Variants in ARHGAP10 observed in about 807,000 individuals in gnomAD.
The protein encoded by ARHGAP10 is Rho GTPase activating protein 10.
Under a neutral mutation model 108.6 loss-of-function variants are expected in ARHGAP10, and 87 were observed. The ratio of observed to expected loss-of-function variants is 0.80; its 90% CI spans 0.67 to 0.96. The LOEUF is 0.96. ARHGAP10 is among the 40% of genes least tolerant of loss of function. ARHGAP10 has a pLI of 0.00. For missense variants in ARHGAP10, 939 were observed against 954.5 expected, an observed-to-expected ratio of 0.98 and a Z score of 0.21; for synonymous variants, 347 against 341.1, an observed-to-expected ratio of 1.02 and a Z score of -0.19.
chr4:147,789,799 A>C (rs1000190840), intron 1 of ARHGAP10, among the ~76,000 whole-genome samples: 2 of 152,168 alleles, frequency 1.3e-5, no homozygotes, highest in African/African-American at 4.8e-5. Flanking sequence ...GCAAAGCTTC[A>C]TCTGTAAAAC....
chr4:147,909,804 G>GTATCCTCCTTTTCCATC, intron 12 of ARHGAP10, 27 bp downstream of exon 12: 1 of 1,589,368 alleles, frequency 6.3e-7, no homozygotes, highest in Non-Finnish European at 8.6e-7. Context: ...AAAAATGATT[G>GTATCCTCCTTTTCCATC]TATCCTCCTT....
chr4:147,849,972 T>C (rs1180624769), intron 4 of ARHGAP10, among the ~76,000 whole-genome samples: 1 of 152,178 alleles, frequency 6.6e-6, no homozygotes, highest in Non-Finnish European at 1.5e-5. Flanking sequence ...GGTGGGGACT[T>C]GGAGAACTTT....
intron 13 of ARHGAP10, among the ~76,000 whole-genome samples, chr4:147,918,245 C>T (rs901614793): frequency 9.3e-5 from 14 of 150,744 alleles, no homozygotes; most frequent in African/African-American, 3.4e-4. Context: ...ACACCATTCT[C>T]CTGCCTCAGC....
chr4:147,836,021 A>T (rs531838663), intron 3 of ARHGAP10, among the ~76,000 whole-genome samples: 1 of 152,216 alleles, frequency 6.6e-6, no homozygotes, highest in South Asian at 2.1e-4. Flanking sequence ...TATGATTCTC[A>T]TTTTTTCCTA....
chr4:147,886,024 G>A (rs1319218320), intron 10 of ARHGAP10, among the ~76,000 whole-genome samples: 4 of 152,158 alleles, frequency 2.6e-5, no homozygotes, highest in Non-Finnish European at 5.9e-5. Context: ...TTCATTTCAT[G>A]CACAAAATTA....
intron 16 of ARHGAP10, among the ~76,000 whole-genome samples, chr4:147,959,804 T>C (rs1738927304): frequency 6.6e-6 from 1 of 152,212 alleles, no homozygotes; most frequent in Non-Finnish European, 1.5e-5. Flanking sequence ...TTTTAAGAAA[T>C]GAAGAATGTA....
chr4:147,746,162 G>T (rs1728909334), intron 1 of ARHGAP10, among the ~76,000 whole-genome samples: 1 of 151,806 alleles, frequency 6.6e-6, no homozygotes, highest in Non-Finnish European at 1.5e-5. Context: ...GGAGTGCTGT[G>T]GCGTGATCTT....
rs927928030 is a variant in ARHGAP10, at chr4:147,758,662, AT to A, written c.154+26216del. ...CAGGTTGTTAGAATACAGGTGGTGT[AT>A]TTTTTTTTAATTTATTATTATTATT... On this transcript the variant is annotated intron_variant, in intron 1 of 22. Coordinates refer to ENST00000336498, the MANE Select transcript of ARHGAP10 (RefSeq NM_024605.4). 1.1e-4 allele frequency among the ~76,000 whole-genome samples: 16 copies of A among 150,712 alleles called. No homozygotes were observed. The East Asian group carries it at 2.1e-3, about 20-fold the overall frequency.
chr4:147,943,587 G>A (rs1463991289), intron 14 of ARHGAP10, among the ~76,000 whole-genome samples: 2 of 152,154 alleles, frequency 1.3e-5, no homozygotes, highest in Admixed American at 6.5e-5. Context: ...TTACGTAAGC[G>A]TGAAACATTC....
chr4:147,963,986 A>G (rs1049316686), intron 16 of ARHGAP10, among the ~76,000 whole-genome samples: 2 of 152,226 alleles, frequency 1.3e-5, no homozygotes, highest in African/African-American at 2.4e-5. Context: ...TGACATCTGC[A>G]ACAGCTCTCT....
At chr4:147,830,539 G>A (rs1311559510) in intron 3 of ARHGAP10, among the ~76,000 whole-genome samples, 1 of 90,904 alleles carries the variant, frequency 1.1e-5, no homozygotes, top group Non-Finnish European at 2.0e-5. Context: ...TTTTTTTGAT[G>A]GGGGGAGCCT....
intron 18 of ARHGAP10, among the ~76,000 whole-genome samples, chr4:147,988,412 T>C (rs952057594): frequency 6.6e-6 from 1 of 152,214 alleles, no homozygotes; most frequent in Non-Finnish European, 1.5e-5. Flanking sequence ...CCACATCTCC[T>C]GGCTGGTCCT....
chr4:148,036,066 C>T (rs1578812264), intron 19 of ARHGAP10, among the ~76,000 whole-genome samples: 1 of 142,762 alleles, frequency 7.0e-6, no homozygotes, highest in African/African-American at 2.6e-5. Context: ...GGAGCTGCCT[C>T]TGTGTGTGTG....
chr4:147,744,791 A>G (rs1331585827), intron 1 of ARHGAP10, among the ~76,000 whole-genome samples: 1 of 151,942 alleles, frequency 6.6e-6, no homozygotes, highest in East Asian at 1.9e-4. Flanking sequence ...TAGCCAGGAG[A>G]CATGTTCAAT....
chr4:147,781,840 G>A (rs1446892564), intron 1 of ARHGAP10, among the ~76,000 whole-genome samples: 4 of 151,772 alleles, frequency 2.6e-5, no homozygotes, highest in Admixed American at 6.6e-5. Flanking sequence ...ACATCTTTAC[G>A]CGTCAGTATT....
intron 18 of ARHGAP10, among the ~76,000 whole-genome samples, chr4:147,999,927 T>G (rs1427598369): frequency 3.0e-5 from 3 of 101,452 alleles, no homozygotes; most frequent in African/African-American, 1.7e-4. Flanking sequence ...ATTAACAGTG[T>G]TTTTTTTTTT....
intron 7 of ARHGAP10, among the ~76,000 whole-genome samples, chr4:147,870,498 T>C (rs1734771307): frequency 6.6e-6 from 1 of 152,114 alleles, no homozygotes; most frequent in Admixed American, 6.5e-5. Context: ...GTAAAAGGTA[T>C]TTAAAAGCGA....
intron 19 of ARHGAP10, among the ~76,000 whole-genome samples, chr4:148,028,521 G>A (rs1017880349): frequency 7.2e-5 from 11 of 152,184 alleles, no homozygotes; most frequent in Non-Finnish European, 1.6e-4. Flanking sequence ...TTAGCCTAAC[G>A]TCTGGCACAT....
At chr4:148,020,539 G>GTTTTTTTTTTTTTTT in intron 18 of ARHGAP10, among the ~76,000 whole-genome samples, 1 of 146,318 alleles carries the variant, frequency 6.8e-6, no homozygotes, top group African/African-American at 2.6e-5. Context: ...GAGAACATGC[G>GTTTTTTTTTTTTTTT]TTTTTTGTTT....
Sources: gnomAD v4.1 joint callset for allele counts (sites outside exome capture counted in the v4.1 genomes callset) on GRCh38, gnomAD v4.1.1 for gene constraint, MANE v1.5 for transcripts, NCBI Gene and HGNC (gene_info 2026-07-23, HGNC 2026-07-21) for gene names.